Variants in ENO4 observed in about 807,000 individuals in gnomAD.
ENO4 encodes enolase 4, also known as 2-phospho-D-glycerate hydro-lyase.
A neutral mutation model predicts 63.2 loss-of-function variants in ENO4; 53 were observed. The ratio of observed to expected loss-of-function variants is 0.84; its 90% CI spans 0.67 to 1.05. The LOEUF (loss-of-function observed/expected upper bound fraction) is 1.05. Among genes scored for constraint, ENO4 ranks in the 50% least tolerant of loss-of-function variants. The pLI, the probability that ENO4 is intolerant of heterozygous loss-of-function variation, is 0.00. For synonymous variants in ENO4, 266 were observed against 283.8 expected (o/e 0.94, Z 0.63); for missense variants, 719 against 772.0 (o/e 0.93, Z 0.81).
At chr10:116,873,764 C>A in intron 9 of ENO4, 3 of 517,678 alleles carry the variant, frequency 5.8e-6, no homozygotes, top group Non-Finnish European at 7.4e-6. Flanking sequence ...TGTCCATCTA[C>A]GCAGGCAGCC....
chr10:116,857,040 C>A (rs1013992017), intron 3 of ENO4, among the ~76,000 whole-genome samples: 1 of 151,822 alleles, frequency 6.6e-6, no homozygotes, highest in Non-Finnish European at 1.5e-5. Flanking sequence ...ATTATCTTTC[C>A]ATTTCACCTG....
At position 116,892,083 on chromosome 10, in the gene ENO4, T is replaced by C. The variant is rs533572635; in HGVS notation, c.1194+12097T>C. ...AATTCCTTTTTAACATAGGTAACAA[T>C]GGCTGGGCAAAGATCTATGTCTATG... On this transcript the variant is annotated intron_variant, in intron 10 of 10. Coordinates refer to the ENO4 transcript ENST00000369207. 2.6e-5 allele frequency among the ~76,000 whole-genome samples: 4 copies of C among 152,322 alleles called. No homozygotes were observed. In the East Asian group the frequency reaches 5.8e-4, roughly 22 times the overall value.
intron 10 of ENO4, among the ~76,000 whole-genome samples, chr10:116,875,154 A>C (rs1051380850): frequency 3.9e-5 from 6 of 152,154 alleles, no homozygotes; most frequent in African/African-American, 1.2e-4. Context: ...TATTGAACAG[A>C]TATCTTCTTT....
At chr10:116,859,548 C>T (rs1339463062) in intron 4 of ENO4, among the ~76,000 whole-genome samples, 1 of 152,126 alleles carries the variant, frequency 6.6e-6, no homozygotes, top group Admixed American at 6.5e-5. Flanking sequence ...GTAAAATAAA[C>T]ATTTTCTTTA....
intron 1 of ENO4, among the ~76,000 whole-genome samples, chr10:116,853,450 C>T (rs966415412): frequency 6.6e-6 from 1 of 152,070 alleles, no homozygotes; most frequent in Non-Finnish European, 1.5e-5. Flanking sequence ...AATGTATATA[C>T]AGTGCCCAGG....
intron 9 of ENO4, 137 bp downstream of exon 9, chr10:116,871,429 C>A (rs1408108216): frequency 1.2e-6 from 1 of 807,846 alleles, no homozygotes; most frequent in Non-Finnish European, 1.8e-6. Context: ...GTGAAGGATC[C>A]AAATATAATG....
intron 10 of ENO4, among the ~76,000 whole-genome samples, chr10:116,895,392 T>C (rs1564862630): frequency 6.6e-6 from 1 of 152,228 alleles, no homozygotes. Flanking sequence ...TATTGGACAT[T>C]TGGCATGAAA....
Position 116,855,217 on chromosome 10 carries a change from T to C in ENO4, c.166-406T>C, listed in dbSNP as rs547360036. 2.6e-5 allele frequency among the ~76,000 whole-genome samples: 4 copies of C among 152,150 alleles called. No homozygotes were observed. The East Asian group carries it at 7.8e-4, about 29-fold the overall frequency. On this transcript the variant is annotated intron_variant, in intron 1 of 13. Coordinates refer to ENST00000341276, the MANE Select transcript of ENO4 (RefSeq NM_001242699.2). Reference sequence around the variant, plus strand: ...CTGAGGCAGGAGAACTGCTTGAACCTGGGAGGCGGAGAATGCAGTGAGCCG... The same window carrying C: ...CTGAGGCAGGAGAACTGCTTGAACCCGGGAGGCGGAGAATGCAGTGAGCCG...
downstream of ENO4, chr10:116,886,353 G>A (rs1242697168): frequency 2.6e-6 from 4 of 1,553,286 alleles, no homozygotes; most frequent in South Asian, 4.7e-5. Context: ...ATCAGCAGTT[G>A]GAGCTGTCTG....
downstream of ENO4, chr10:116,886,690 G>C: frequency 7.6e-7 from 1 of 1,322,326 alleles, no homozygotes; most frequent in Non-Finnish European, 1.0e-6. Context: ...CATGCATATA[G>C]TAGTCTTTGA....
chr10:116,885,951 C>T (rs991445934), downstream of ENO4: 3 of 179,082 alleles, frequency 1.7e-5, no homozygotes, highest in Non-Finnish European at 3.5e-5. Context: ...TTTAAAATCA[C>T]ATTGGGTTGA....
Position 116,892,385 on chromosome 10 carries a change from T to G in ENO4, c.1194+12399T>G, listed in dbSNP as rs1847365637. 2.0e-5 allele frequency among the ~76,000 whole-genome samples: 3 copies of G among 152,226 alleles called. No individual in the cohort carries two copies. In the South Asian group the frequency reaches 6.2e-4, roughly 32 times the overall value. On this transcript the variant is annotated intron_variant, in intron 10 of 10. Coordinates refer to the ENO4 transcript ENST00000369207. Reference sequence around the variant, plus strand: ...TCGGCCAAAGATTCTGAAATGTGGGTGATCATTTTCTTAAGCTTCGTTTTT... The same window carrying G: ...TCGGCCAAAGATTCTGAAATGTGGGGGATCATTTTCTTAAGCTTCGTTTTT...
chr10:116,898,486 A>C (rs1847601821), intron 10 of ENO4, among the ~76,000 whole-genome samples: 1 of 152,178 alleles, frequency 6.6e-6, no homozygotes, highest in East Asian at 1.9e-4. Flanking sequence ...TTTGCACTTA[A>C]TGTGCCTGGT....
At chr10:116,849,816 C>T (rs1226593169) in intron 1 of ENO4, 85 bp downstream of exon 1, 10 of 1,400,060 alleles carry the variant, frequency 7.1e-6, no homozygotes, top group Non-Finnish European at 7.7e-6. Flanking sequence ...CCTGCGCCTG[C>T]GCCTCAGAAT....
chr10:116,879,774 C>A lies in ENO4; in HGVS notation c.1606-95C>A, dbSNP rs1408239893. 3.2e-6 allele frequency: 3 copies of A among 937,358 alleles called. No individual in the cohort carries two copies. In the African/African-American group the frequency reaches 5.0e-5, roughly 16 times the overall value. The allele number at this position is 937,358 out of a possible 1,614,324, so 58.1% of individuals were successfully genotyped here. A position where few individuals can be genotyped will look rare whatever the true frequency, so the allele number is the denominator to read the frequency against. ...ACTAGTAAGAGAAAATCCCAAACAGCACACTGTGACAGTTTCCTTTGTCTT... is the reference window on the plus strand; with the variant it reads ...ACTAGTAAGAGAAAATCCCAAACAGAACACTGTGACAGTTTCCTTTGTCTT... On this transcript the variant is annotated intron_variant, in intron 12 of 13. Coordinates refer to ENST00000341276, the MANE Select transcript of ENO4 (RefSeq NM_001242699.2).
At chr10:116,853,018 G>A (rs371408908) in intron 1 of ENO4, among the ~76,000 whole-genome samples, 6 of 152,086 alleles carry the variant, frequency 3.9e-5, no homozygotes, top group East Asian at 1.9e-4. Context: ...GATAATGGCC[G>A]GGCGCGGTGG....
At chr10:116,887,139 AG>A (rs1235106686), downstream of ENO4, among the ~76,000 whole-genome samples, 2 of 152,212 alleles carry the variant, frequency 1.3e-5, no homozygotes, top group African/African-American at 4.8e-5. Context: ...CCAAGGGCGG[AG>A]AGAGAGCCAG....
chr10:116,868,965 C>T (rs773301233), intron 8 of ENO4, among the ~76,000 whole-genome samples: 9 of 152,254 alleles, frequency 5.9e-5, no homozygotes, highest in African/African-American at 9.6e-5. Context: ...ATTTATGAGA[C>T]GTAGGGTTAC....
rs1418358104 is a variant in ENO4 at position 116,855,643 on chromosome 10, T to C, written c.186T>C (p.Leu62=). Residue 62 remains leucine (L), a synonymous_variant, in exon 2 of 14, where the codon CTT becomes CTC. Transcript: ENST00000341276. ...TGAAGGCAAACTGCTTTTCTAAACT[T>C]GCAAAGCCTCCCACCATATGCAAAA... ...YGHLANCFSK[L]AKPPTICKIV... is the part of the protein sequence containing the mutation. 2 of 1,536,178 alleles carry C rather than the reference T, an allele frequency of 1.3e-6. No homozygotes were observed. The highest frequency in any genetic ancestry group is 8.7e-7 in the Non-Finnish European group (1 of 1,146,968).
Sources: allele counts gnomAD v4.1 joint callset (sites outside exome capture counted in the v4.1 genomes callset), GRCh38; gene constraint gnomAD v4.1.1; transcripts MANE v1.5; gene names NCBI Gene and HGNC (gene_info 2026-07-23, HGNC 2026-07-21).